LRRC61: variants seen among roughly 807,000 people sequenced by gnomAD.
LRRC61 encodes leucine rich repeat containing 61, also known as leucine-rich repeat-containing protein 61.
LRRC61 carries 9 observed loss-of-function variants against 15.1 expected under a neutral mutation model. The observed-to-expected ratio is 0.60, with a 90% CI of 0.36 to 1.04. The LOEUF is 1.04. Among genes scored for constraint, LRRC61 ranks in the 50% least tolerant of loss-of-function variants. The pLI, the probability that LRRC61 is intolerant of heterozygous loss-of-function variation, is 0.01. For synonymous variants in LRRC61, 173 were observed against 158.6 expected (o/e 1.09, Z -0.68); for missense variants, 344 against 335.6 (o/e 1.03, Z -0.20).
intron 2 of LRRC61, chr7:150,331,128 C>T (rs999755058): frequency 6.2e-7 from 1 of 1,602,224 alleles, no homozygotes; most frequent in Admixed American, 1.7e-5. Flanking sequence ...GCATCTTTGC[C>T]TCCCTGAACA....
chr7:150,328,332 C>G (rs767585381), intron 2 of LRRC61, among the ~76,000 whole-genome samples: 4 of 152,198 alleles, frequency 2.6e-5, no homozygotes, highest in Non-Finnish European at 4.4e-5. Flanking sequence ...TCAGAACTTT[C>G]TGTAAAGATG....
rs1424032234 is a variant in LRRC61, at chr7:150,333,228, G to A, written c.-144-3490G>A. The stretch of plus-strand genomic sequence containing the variant: ...GAGGGTGAGAGAGCTTGATGGCACC[G>A]AACCAGGGGGCTTGGGCTCTAGAAC... On this transcript the variant is annotated intron_variant, in intron 2 of 2. Coordinates refer to ENST00000359623, the MANE Select transcript of LRRC61 (RefSeq NM_001142928.2). This position sits in a 1 kb window ranked among gnomAD's most constrained non-coding sequence, Gnocchi z 4.3. Among the ~76,000 whole-genome samples the A allele has an allele frequency of 4.6e-5, 7 of 152,204 alleles. No individual in the cohort carries two copies. The highest frequency in any genetic ancestry group is 1.9e-4 in the East Asian group (1 of 5,190).
chr7:150,317,402 GA>G, the LRRC61 span, among the ~76,000 whole-genome samples: 1 of 152,056 alleles, frequency 6.6e-6, no homozygotes. Flanking sequence ...GGCGGCTTTT[GA>G]TTCCCATTTA....
At chr7:150,315,015 A>G in the LRRC61 span, among the ~76,000 whole-genome samples, 41 of 147,078 alleles carry the variant, frequency 2.8e-4, no homozygotes, top group Non-Finnish European at 4.9e-4. Flanking sequence ...ATTAAATAAT[A>G]AAATAATATT....
upstream of LRRC61, chr7:150,322,538 CTCTATAT>C (rs1797642895): frequency 6.6e-6 from 1 of 152,234 alleles, no homozygotes; most frequent in Non-Finnish European, 1.5e-5. Context: ...TCATGAAATA[CTCTATAT>C]GGTCTAAAAA....
At chr7:150,316,579 A>G in the LRRC61 span, among the ~76,000 whole-genome samples, 4 of 142,852 alleles carry the variant, frequency 2.8e-5, no homozygotes, top group African/African-American at 1.0e-4. Flanking sequence ...TCTGCCTCCC[A>G]GGTTCAAGCG....
intron 1 of LRRC61, among the ~76,000 whole-genome samples, chr7:150,324,050 A>G (rs190903627): frequency 2.8e-4 from 43 of 152,348 alleles, no homozygotes; most frequent in Admixed American, 2.7e-3. Context: ...TAAGTAGTCA[A>G]ATTTGCGTGT....
chr7:150,326,723 C>G (rs1335975428), intron 2 of LRRC61, among the ~76,000 whole-genome samples: 1 of 150,980 alleles, frequency 6.6e-6, no homozygotes, highest in African/African-American at 2.4e-5. Context: ...TGACCCCGTT[C>G]TGCAGATGGC....
At chr7:150,326,817 C>T (rs1339056009) in intron 2 of LRRC61, among the ~76,000 whole-genome samples, 1 of 152,186 alleles carries the variant, frequency 6.6e-6, no homozygotes, top group Non-Finnish European at 1.5e-5. Context: ...AGTGTGACAT[C>T]CAAGAGCAGT....
chr7:150,330,160 C>T lies in LRRC61; in HGVS notation c.-145+4150C>T. 2 of 570,272 alleles carry T rather than the reference C, an allele frequency of 3.5e-6. No individual in the cohort carries two copies. Among genetic ancestry groups the T allele is most frequent in the Non-Finnish European group, 6.2e-6 (2 of 320,718 alleles). The allele number at this position is 570,272 out of a possible 1,614,324, so 35.3% of individuals were successfully genotyped here. On this transcript the variant is annotated intron_variant, in intron 2 of 2. Coordinates refer to ENST00000359623, the MANE Select transcript of LRRC61 (RefSeq NM_001142928.2). This position sits in a 1 kb window ranked among gnomAD's most constrained non-coding sequence, Gnocchi z 4.6. ...GCCACCTGCAGCCATTTCTAAGGCT[C>T]TGTGGAGGCCCAGGGACTCCTCACC...
At chr7:150,313,234 T>C in the LRRC61 span, among the ~76,000 whole-genome samples, 1 of 152,190 alleles carries the variant, frequency 6.6e-6, no homozygotes, top group East Asian at 1.9e-4. Flanking sequence ...TAAATAGCCT[T>C]ACTGCTCACA....
chr7:150,321,367 A>G (rs539382263), upstream of LRRC61, among the ~76,000 whole-genome samples: 8 of 152,306 alleles, frequency 5.3e-5, no homozygotes, highest in South Asian at 1.7e-3. Context: ...ATGCTGTGTG[A>G]GTCTCAATTT....
chr7:150,317,908 A>G, the LRRC61 span, among the ~76,000 whole-genome samples: 1 of 151,878 alleles, frequency 6.6e-6, no homozygotes, highest in Non-Finnish European at 1.5e-5. Flanking sequence ...GGCTCCTTGC[A>G]AGGAGGAGGA....
chr7:150,334,204 T>G (rs1462516656), intron 2 of LRRC61: 13 of 786,134 alleles, frequency 1.7e-5, no homozygotes, highest in Non-Finnish European at 1.9e-5. Flanking sequence ...GGGCATTCAC[T>G]TAACCTCTGC....
At position 150,324,541 on chromosome 7, in the gene LRRC61, G is replaced by C. The variant is rs1182857618; in HGVS notation, c.-315+981G>C. 2.6e-5 allele frequency: 4 copies of C among 152,210 alleles called. No individual in the cohort carries two copies. The East Asian group carries it at 5.8e-4, about 22-fold the overall frequency. The allele number at this position is 152,210 out of a possible 1,614,324, so 9.4% of individuals were successfully genotyped here. A position where few individuals can be genotyped will look rare whatever the true frequency, so the allele number is the denominator to read the frequency against. ...TGCCTTTACAGATGTACGGCTCCCC[G>C]TGAGCAATCAACATGCCTGGCTCTC... is the stretch of plus-strand genomic sequence containing the variant. On this transcript the variant is annotated intron_variant, in intron 1 of 2. Coordinates refer to ENST00000359623, the MANE Select transcript of LRRC61 (RefSeq NM_001142928.2).
Position 150,333,135 on chromosome 7 carries a change from G to A in LRRC61, c.-144-3583G>A, listed in dbSNP as rs562350843. Among the ~76,000 whole-genome samples the A allele has an allele frequency of 6.6e-6, 1 of 152,330 alleles. No individual in the cohort carries two copies. Among genetic ancestry groups the A allele is most frequent in the Non-Finnish European group, 1.5e-5 (1 of 68,024 alleles). The stretch of plus-strand genomic sequence containing the variant: ...CTCATGTTCTGGGAGAGGACTGGGA[G>A]GCCTAGAATGGTGAGGCAGCGAGGC... On this transcript the variant is annotated intron_variant, in intron 2 of 2. Coordinates refer to ENST00000359623, the MANE Select transcript of LRRC61 (RefSeq NM_001142928.2). This position sits in a 1 kb window ranked among gnomAD's most constrained non-coding sequence, Gnocchi z 4.3.
chr7:150,320,502 C>T (rs1351055525), upstream of LRRC61, among the ~76,000 whole-genome samples: 1 of 152,104 alleles, frequency 6.6e-6, no homozygotes, highest in Non-Finnish European at 1.5e-5. Context: ...ATGGCTCAAG[C>T]CTGTAATCCC....
At chr7:150,336,594 G>C in intron 2 of LRRC61, 124 bp from the exon 3 acceptor site, 1 of 539,602 alleles carries the variant, frequency 1.9e-6, no homozygotes, top group Non-Finnish European at 3.3e-6. Flanking sequence ...TCCCAGCTTG[G>C]TCTTCAGGTC....
At chr7:150,310,386 G>C in the LRRC61 span, among the ~76,000 whole-genome samples, 28 of 152,194 alleles carry the variant, frequency 1.8e-4, no homozygotes, top group African/African-American at 6.5e-4. Flanking sequence ...ATTATCACTT[G>C]CCTGTTACAG....
Sources: gnomAD v4.1 joint callset for allele counts (sites outside exome capture counted in the v4.1 genomes callset) on GRCh38, gnomAD v4.1.1 for gene constraint, Gnocchi (gnomAD v3.1) non-coding constraint, MANE v1.5 for transcripts, NCBI Gene and HGNC (gene_info 2026-07-23, HGNC 2026-07-21) for gene names.